The following WDR44 variants were observed in gnomAD, a reference collection of about 807,000 sequenced individuals.
WDR44 encodes WD repeat-containing protein 44.
Under a neutral mutation model 65.7 loss-of-function variants are expected in WDR44, and 9 were observed. The ratio of observed to expected loss-of-function variants is 0.14; its 90% CI spans 0.08 to 0.24. The LOEUF is 0.24. WDR44 is among the 10% of genes least tolerant of loss of function. The pLI, the probability that WDR44 is intolerant of heterozygous loss-of-function variation, is 1.00. For synonymous variants in WDR44, 220 were observed against 235.2 expected, an observed-to-expected ratio of 0.94 and a Z score of 0.59; for missense variants, 425 against 670.9, an observed-to-expected ratio of 0.63 and a Z score of 4.05.
At chrX:118,393,744 T>C (rs1417031687) in intron 4 of WDR44, among the ~76,000 whole-genome samples, 2 of 112,194 alleles carry the variant, frequency 1.8e-5, no homozygotes, top group African/African-American at 6.5e-5. Flanking sequence ...AATGTAAAAA[T>C]GTTTACATTG....
At chrX:118,363,139 T>A (rs764601087) in intron 1 of WDR44, among the ~76,000 whole-genome samples, 4 of 109,398 alleles carry the variant, frequency 3.7e-5, no homozygotes, top group Non-Finnish European at 7.6e-5. Context: ...CTCACACTTA[T>A]AATCCCAGCA....
chrX:118,353,956 A>ATCTT (rs1292900468), intron 1 of WDR44, among the ~76,000 whole-genome samples: 3 of 112,601 alleles, frequency 2.7e-5, no homozygotes, highest in Non-Finnish European at 5.6e-5. Context: ...AGGAAGTGTT[A>ATCTT]TCTTTTGTAG....
At chrX:118,405,328 G>A (rs1275033349) in intron 9 of WDR44, among the ~76,000 whole-genome samples, 4 of 110,181 alleles carry the variant, frequency 3.6e-5, no homozygotes, top group African/African-American at 9.9e-5. Context: ...GAGCCACCAC[G>A]TCTGGCCAAG....
At chrX:118,432,919 A>G in intron 13 of WDR44, 25 bp downstream of exon 13, 2 of 1,135,979 alleles carry the variant, frequency 1.8e-6, no homozygotes, top group Non-Finnish European at 2.4e-6. Flanking sequence ...TTTGAATCAT[A>G]TAGTAATTCT....
At chrX:118,356,185 T>G (rs1157764020) in intron 1 of WDR44, among the ~76,000 whole-genome samples, 1 of 112,382 alleles carries the variant, frequency 8.9e-6, no homozygotes, top group Non-Finnish European at 1.9e-5. Flanking sequence ...TTTTATGCCC[T>G]TCATTTTAAG....
intron 1 of WDR44, among the ~76,000 whole-genome samples, chrX:118,371,580 T>C (rs2056614038): frequency 2.7e-5 from 3 of 111,801 alleles, no homozygotes; most frequent in South Asian, 3.7e-4. Flanking sequence ...TGCTGTTAGG[T>C]GAGCAAGGAA....
chrX:118,348,490 G>GT lies in WDR44; in HGVS notation c.77+1911dup, dbSNP rs746340811. On this transcript the variant is annotated intron_variant, in intron 1 of 19. Coordinates refer to ENST00000254029, the MANE Select transcript of WDR44 (RefSeq NM_019045.5). Reference sequence around the variant, plus strand: ...TAACTTTAACCTGCCCAATTACTAAGTGTGTTGAGTTCTATGGATAAAACT... The same window carrying GT: ...TAACTTTAACCTGCCCAATTACTAAGTTGTGTTGAGTTCTATGGATAAAACT... 3.7e-3 allele frequency among the ~76,000 whole-genome samples: 411 copies of GT among 112,069 alleles called. 4 individuals carry two copies. The highest frequency in any genetic ancestry group is 0.028 in the Middle Eastern group (6 of 218).
intron 2 of WDR44, among the ~76,000 whole-genome samples, chrX:118,381,192 G>A (rs1392424969): frequency 1.8e-5 from 2 of 111,792 alleles, no homozygotes; most frequent in Non-Finnish European, 3.8e-5. Flanking sequence ...AAAGAGATGG[G>A]GCGCAGTGGC....
At chrX:118,446,613 T>G (rs2057348673) in intron 19 of WDR44, among the ~76,000 whole-genome samples, 1 of 111,390 alleles carries the variant, frequency 9.0e-6, no homozygotes, top group African/African-American at 3.3e-5. Flanking sequence ...TTTTGTAGTA[T>G]TATTTGGACT....
intron 1 of WDR44, among the ~76,000 whole-genome samples, chrX:118,356,297 A>C (rs1406714700): frequency 9.0e-6 from 1 of 111,520 alleles, no homozygotes; most frequent in East Asian, 2.8e-4. Flanking sequence ...TCAAAGAGTT[A>C]TGGTCTTTGT....
chrX:118,352,754 G>A (rs953743771), intron 1 of WDR44, among the ~76,000 whole-genome samples: 1 of 109,750 alleles, frequency 9.1e-6, no homozygotes, highest in African/African-American at 3.3e-5. Flanking sequence ...ACTTCCTGGG[G>A]TAGTAGTGGA....
At chrX:118,415,461 A>G (rs1358467126) in intron 12 of WDR44, among the ~76,000 whole-genome samples, 2 of 111,624 alleles carry the variant, frequency 1.8e-5, no homozygotes, top group Non-Finnish European at 3.8e-5. Flanking sequence ...ATTGTTACCA[A>G]TTCTTCTTTG....
chrX:118,407,275 C>G (rs1256361451), intron 10 of WDR44, among the ~76,000 whole-genome samples: 2 of 111,364 alleles, frequency 1.8e-5, no homozygotes, highest in Non-Finnish European at 3.8e-5. Flanking sequence ...CCAAGACAGG[C>G]GGATCACTTG....
Position 118,408,915 on chromosome X carries a change from T to C in WDR44, c.1534-574T>C, listed in dbSNP as rs1602937806. Among the ~76,000 whole-genome samples the C allele has an allele frequency of 2.7e-5, 3 of 111,870 alleles. No individual in the cohort carries two copies. The South Asian group carries it at 1.1e-3, about 41-fold the overall frequency. ...TTTAGAACTCCCATTTCTGTTAATA[T>C]GTGGACAGGGTTTGAGTTCTTGAAG... On this transcript the variant is annotated intron_variant, in intron 10 of 19. Transcript: ENST00000254029.
chrX:118,353,271 AG>A (rs2056430207), intron 1 of WDR44, among the ~76,000 whole-genome samples: 1 of 111,795 alleles, frequency 8.9e-6, no homozygotes, highest in African/African-American at 3.3e-5. Context: ...TTCAAAACCG[AG>A]GAAAAAGCAC....
Position 118,449,017 on chromosome X carries a change from A to T in WDR44, c.*30A>T. ...AAATGGCATTTAAAATAAACATATC[A>T]GTAAGTTTCTATATGTATCAAAACT... On this transcript the variant is annotated 3_prime_UTR_variant, in exon 20 of 20. Transcript: ENST00000254029. 2.0e-6 allele frequency: 2 copies of T among 1,021,701 alleles called. No individual in the cohort carries two copies. Among genetic ancestry groups the T allele is most frequent in the Non-Finnish European group, 2.7e-6 (2 of 737,453 alleles). The allele number at this position is 1,021,701 out of a possible 1,213,427, so 84.2% of individuals were successfully genotyped here.
intron 12 of WDR44, among the ~76,000 whole-genome samples, chrX:118,428,362 A>G (rs1271495995): frequency 1.8e-5 from 2 of 109,230 alleles, no homozygotes; most frequent in African/African-American, 6.7e-5. Context: ...CTGGTCTCAA[A>G]CTCCTGGCCT....
chrX:118,362,110 G>C (rs1043508091), intron 1 of WDR44, among the ~76,000 whole-genome samples: 1 of 112,035 alleles, frequency 8.9e-6, no homozygotes, highest in Non-Finnish European at 1.9e-5. Flanking sequence ...TAGTGCTTCA[G>C]CTGTGGGAAA....
At chrX:118,434,163 T>C (rs1239020106) in intron 13 of WDR44, among the ~76,000 whole-genome samples, 1 of 112,319 alleles carries the variant, frequency 8.9e-6, no homozygotes, top group Non-Finnish European at 1.9e-5. Flanking sequence ...CTTTCCGTTT[T>C]ATACTTTATT....
Sources: allele counts gnomAD v4.1 joint callset (sites outside exome capture counted in the v4.1 genomes callset), GRCh38; gene constraint gnomAD v4.1.1; transcripts MANE v1.5; gene names NCBI Gene and HGNC (gene_info 2026-07-23, HGNC 2026-07-21).